Variants in ERBB4 observed in about 807,000 individuals in gnomAD.
ERBB4 encodes the protein erb-b2 receptor tyrosine kinase 4.
ERBB4 carries 42 observed loss-of-function variants against 158.0 expected under a neutral mutation model. The observed-to-expected ratio is 0.27, with a 90% CI of 0.21 to 0.34. The LOEUF (loss-of-function observed/expected upper bound fraction) is 0.34. ERBB4 is among the 10% of genes least tolerant of loss of function. The pLI, the probability that ERBB4 is intolerant of heterozygous loss-of-function variation, is 1.00. For synonymous variants in ERBB4, 583 were observed against 558.7 expected (o/e 1.04, Z -0.61); for missense variants, 1,333 against 1,624.1 (o/e 0.82, Z 3.08).
chr2:211,485,401 G>A (rs994834255), intron 20 of ERBB4, among the ~76,000 whole-genome samples: 1 of 152,020 alleles, frequency 6.6e-6, no homozygotes, highest in African/African-American at 2.4e-5. Context: ...TAGACCAGCA[G>A]GAGAGTATTC....
chr2:211,693,635 G>T (rs1250410409), intron 12 of ERBB4, among the ~76,000 whole-genome samples: 1 of 152,088 alleles, frequency 6.6e-6, no homozygotes, highest in Non-Finnish European at 1.5e-5. Context: ...TTTCCCACAG[G>T]CATCTGTCTC....
At chr2:211,540,388 C>A (rs545868593) in intron 20 of ERBB4, among the ~76,000 whole-genome samples, 3 of 151,812 alleles carry the variant, frequency 2.0e-5, no homozygotes, top group South Asian at 4.1e-4. Context: ...GCAATGCAAT[C>A]GAATAAACTA....
At chr2:211,587,494 C>A (rs1049760780) in intron 19 of ERBB4, among the ~76,000 whole-genome samples, 2 of 152,082 alleles carry the variant, frequency 1.3e-5, no homozygotes, top group Non-Finnish European at 2.9e-5. Flanking sequence ...TGCAGCGATG[C>A]GGCCTACAAG....
At chr2:212,192,217 T>C (rs116509154) in intron 1 of ERBB4, among the ~76,000 whole-genome samples, 1,848 of 116,216 alleles carry the variant, frequency 0.016, 35 homozygotes, top group African/African-American at 0.054. Flanking sequence ...TTTTATTTCC[T>C]TCTTTGGCAT....
chr2:211,498,991 G>A (rs2065546199), intron 20 of ERBB4, among the ~76,000 whole-genome samples: 1 of 152,116 alleles, frequency 6.6e-6, no homozygotes, highest in Non-Finnish European at 1.5e-5. Context: ...GAGGCTCCAC[G>A]AAGACAGTAG....
At chr2:211,524,629 C>T (rs1271625220) in intron 20 of ERBB4, among the ~76,000 whole-genome samples, 21 of 103,866 alleles carry the variant, frequency 2.0e-4, no homozygotes, top group Non-Finnish European at 3.3e-4. Flanking sequence ...GGGTGCTACG[C>T]CCCTCATTGC....
intron 1 of ERBB4, among the ~76,000 whole-genome samples, chr2:212,304,082 C>T (rs1035895170): frequency 2.0e-5 from 3 of 151,488 alleles, no homozygotes; most frequent in Non-Finnish European, 4.4e-5. Flanking sequence ...TCAAACTATA[C>T]GTATACCAGC....
At chr2:212,080,405 A>G (rs749632130) in intron 2 of ERBB4, among the ~76,000 whole-genome samples, 4 of 151,716 alleles carry the variant, frequency 2.6e-5, no homozygotes, top group Non-Finnish European at 5.9e-5. Flanking sequence ...AAAAAATGAT[A>G]CAGTTGAGGG....
At position 211,738,706 on chromosome 2, in the gene ERBB4, G is replaced by A. The variant is rs553779760; in HGVS notation, c.622+11933C>T. ...TTTTTGAGATGGAGTTTCCTCTGTCGCCCAGACTAGAGTGCAATGGTGTGA... is the reference window on the plus strand; with the variant it reads ...TTTTTGAGATGGAGTTTCCTCTGTCACCCAGACTAGAGTGCAATGGTGTGA... On this transcript the variant is annotated intron_variant, in intron 5 of 27. Coordinates refer to ENST00000342788, the MANE Select transcript of ERBB4 (RefSeq NM_005235.3). 1.6e-3 allele frequency among the ~76,000 whole-genome samples: 237 copies of A among 147,890 alleles called. 1 individual carries two copies. The highest frequency in any genetic ancestry group is 2.8e-3 in the Non-Finnish European group (187 of 67,358).
chr2:212,210,928 T>C (rs1258450261), intron 1 of ERBB4, among the ~76,000 whole-genome samples: 36 of 152,098 alleles, frequency 2.4e-4, no homozygotes, highest in Admixed American at 2.2e-3. Flanking sequence ...TCTCTCTCTC[T>C]CTCATGCTCA....
chr2:211,603,010 C>T (rs770448608), intron 19 of ERBB4, among the ~76,000 whole-genome samples: 3 of 152,010 alleles, frequency 2.0e-5, no homozygotes, highest in Admixed American at 6.6e-5. Context: ...GGGCGGATCA[C>T]TAGGTCAAGA....
At chr2:211,716,945 G>T (rs2073938877) in intron 7 of ERBB4, among the ~76,000 whole-genome samples, 1 of 152,108 alleles carries the variant, frequency 6.6e-6, no homozygotes. Context: ...CACACAATAG[G>T]TCTTCATGTT....
intron 1 of ERBB4, among the ~76,000 whole-genome samples, chr2:212,277,191 A>C (rs762816084): frequency 6.6e-6 from 1 of 151,796 alleles, no homozygotes; most frequent in Non-Finnish European, 1.5e-5. Flanking sequence ...TGCGATACAC[A>C]TTGACTGAAA....
chr2:211,644,968 C>G (rs1221871923), intron 16 of ERBB4, among the ~76,000 whole-genome samples: 1 of 151,832 alleles, frequency 6.6e-6, no homozygotes, highest in Admixed American at 6.6e-5. Context: ...CTAAGTTTTT[C>G]TTAGAGCCAC....
intron 5 of ERBB4, 141 bp from the exon 6 acceptor site, chr2:211,725,335 A>C: frequency 1.5e-6 from 1 of 684,072 alleles, no homozygotes; most frequent in Non-Finnish European, 2.6e-6. Context: ...CAACTAGATC[A>C]AAATTTTTAT....
chr2:212,537,130 G>C (rs1434888006), intron 1 of ERBB4, among the ~76,000 whole-genome samples: 1 of 126,416 alleles, frequency 7.9e-6, no homozygotes. Flanking sequence ...ACTAGGCAAA[G>C]GAGGCGGCGG....
intron 2 of ERBB4, among the ~76,000 whole-genome samples, chr2:212,114,408 T>C (rs188574954): frequency 6.6e-6 from 1 of 152,322 alleles, no homozygotes; most frequent in East Asian, 1.9e-4. Context: ...AAGTTGGTTA[T>C]AATTGAAAGA....
chr2:212,466,218 T>C (rs1197588904), intron 1 of ERBB4, among the ~76,000 whole-genome samples: 2 of 152,240 alleles, frequency 1.3e-5, no homozygotes, highest in Admixed American at 6.5e-5. Flanking sequence ...CTGTTGACCC[T>C]TGAACAACAC....
At chr2:211,664,530 C>T (rs2071550176) in intron 15 of ERBB4, among the ~76,000 whole-genome samples, 3 of 152,192 alleles carry the variant, frequency 2.0e-5, no homozygotes, top group Non-Finnish European at 2.9e-5. Flanking sequence ...CTAAAATAGA[C>T]TTGTTGTCTC....
Sources: allele counts gnomAD v4.1 joint callset (sites outside exome capture counted in the v4.1 genomes callset), GRCh38; gene constraint gnomAD v4.1.1; transcripts MANE v1.5; gene names NCBI Gene and HGNC (gene_info 2026-07-23, HGNC 2026-07-21).